MAGI2: variants seen among roughly 807,000 people sequenced by gnomAD.
MAGI2 encodes membrane-associated guanylate kinase, WW and PDZ domain-containing protein 2.
MAGI2 carries 35 observed loss-of-function variants against 133.3 expected under a neutral mutation model. The ratio of observed to expected loss-of-function variants is 0.26; its 90% confidence interval spans 0.20 to 0.35. The LOEUF (loss-of-function observed/expected upper bound fraction) is 0.35, where lower values mean the gene tolerates loss of function less well. Ranked by LOEUF, MAGI2 falls within the 10% of genes least tolerant of loss-of-function variation. The probability of loss-of-function intolerance (pLI) is 1.00; values close to 1 mark genes in which losing one functional copy is unlikely to be tolerated. For synonymous variants in MAGI2, 729 were observed against 710.6 expected, an observed-to-expected ratio of 1.03 and a Z score of -0.41; for missense variants, 1,636 against 1,863.4, an observed-to-expected ratio of 0.88 and a Z score of 2.25.
chr7:78,075,578 G>A (rs370708228), intron 21 of MAGI2, among the ~76,000 whole-genome samples: 1 of 151,734 alleles, frequency 6.6e-6, no homozygotes, highest in South Asian at 2.1e-4. Context: ...GGGTTTCACC[G>A]TGTTAGCCAG....
chr7:79,105,700 T>C (rs1818393163), intron 1 of MAGI2, among the ~76,000 whole-genome samples: 1 of 152,200 alleles, frequency 6.6e-6, no homozygotes, highest in South Asian at 2.1e-4. Context: ...AATTCATATA[T>C]AATGCAACAA....
chr7:78,171,237 A>G (rs1035087984), intron 14 of MAGI2, among the ~76,000 whole-genome samples: 13 of 152,206 alleles, frequency 8.5e-5, no homozygotes, highest in Non-Finnish European at 1.6e-4. Context: ...TAGGGACTGG[A>G]TAATCTATGA....
At chr7:78,365,388 C>A (rs532515682) in intron 7 of MAGI2, among the ~76,000 whole-genome samples, 1 of 151,998 alleles carries the variant, frequency 6.6e-6, no homozygotes, top group Non-Finnish European at 1.5e-5. Context: ...GTTATAAATG[C>A]GAAATTTATA....
At chr7:78,577,096 A>G (rs979220622) in intron 3 of MAGI2, among the ~76,000 whole-genome samples, 2 of 152,228 alleles carry the variant, frequency 1.3e-5, no homozygotes, top group Admixed American at 6.5e-5. Flanking sequence ...TGCTTTCTAC[A>G]TAATAGATTC....
At chr7:79,276,223 T>C (rs1409706934) in intron 1 of MAGI2, among the ~76,000 whole-genome samples, 1 of 152,170 alleles carries the variant, frequency 6.6e-6, no homozygotes, top group East Asian at 1.9e-4. Flanking sequence ...GAGGTCAAAA[T>C]ATCAGCATTA....
chr7:78,094,485 A>C (rs1036751405), intron 20 of MAGI2, among the ~76,000 whole-genome samples: 1 of 152,166 alleles, frequency 6.6e-6, no homozygotes, highest in Admixed American at 6.5e-5. Context: ...GTGATGCTGC[A>C]TAGTCATTTT....
intron 2 of MAGI2, among the ~76,000 whole-genome samples, chr7:78,913,736 C>A (rs1250165713): frequency 6.6e-6 from 1 of 152,134 alleles, no homozygotes; most frequent in Non-Finnish European, 1.5e-5. Flanking sequence ...ACTTAATTAG[C>A]AGTAATGATT....
intron 2 of MAGI2, among the ~76,000 whole-genome samples, chr7:78,671,857 A>G (rs1201161451): frequency 6.6e-6 from 1 of 152,194 alleles, no homozygotes; most frequent in East Asian, 1.9e-4. Context: ...GAAATATAAA[A>G]ATGAAGATAT....
intron 1 of MAGI2, among the ~76,000 whole-genome samples, chr7:79,385,835 TA>T (rs1844137754): frequency 6.6e-6 from 1 of 151,978 alleles, no homozygotes; most frequent in African/African-American, 2.4e-5. Context: ...AAGTAGATTG[TA>T]GCTGCTCTTG....
intron 2 of MAGI2, among the ~76,000 whole-genome samples, chr7:78,910,780 T>A (rs1417600131): frequency 6.6e-6 from 1 of 152,224 alleles, no homozygotes; most frequent in Non-Finnish European, 1.5e-5. Flanking sequence ...TGATAAAATG[T>A]CTCTAGTTCC....
intron 10 of MAGI2, 30 bp from the exon 11 acceptor site, chr7:78,201,223 T>C: frequency 2.4e-6 from 3 of 1,264,182 alleles, no homozygotes; most frequent in East Asian, 2.8e-5. Context: ...ATTTGAACTT[T>C]GAAAATATTA....
chr7:78,505,980 G>A (rs1795050643), intron 4 of MAGI2, among the ~76,000 whole-genome samples: 1 of 151,744 alleles, frequency 6.6e-6, no homozygotes, highest in South Asian at 2.1e-4. Context: ...GCTCTATCAG[G>A]CATGCTCAGG....
At chr7:79,136,346 A>G (rs563328975) in intron 1 of MAGI2, among the ~76,000 whole-genome samples, 1 of 152,330 alleles carries the variant, frequency 6.6e-6, no homozygotes, top group East Asian at 1.9e-4. Context: ...CTGGGAGCTT[A>G]TTTCCAATAG....
At chr7:79,099,264 A>G (rs956930153) in intron 1 of MAGI2, among the ~76,000 whole-genome samples, 8 of 152,194 alleles carry the variant, frequency 5.3e-5, no homozygotes, top group Non-Finnish European at 7.3e-5. Flanking sequence ...ATTATCCAAA[A>G]GAATACAAAT....
intron 7 of MAGI2, among the ~76,000 whole-genome samples, chr7:78,351,216 C>T (rs1275132900): frequency 1.3e-5 from 2 of 151,948 alleles, no homozygotes; most frequent in Non-Finnish European, 2.9e-5. Flanking sequence ...CTGTAAAATA[C>T]GCATTGTGGG....
intron 6 of MAGI2, among the ~76,000 whole-genome samples, chr7:78,481,382 T>C (rs1476344610): frequency 1.3e-5 from 2 of 151,920 alleles, no homozygotes; most frequent in Non-Finnish European, 2.9e-5. Flanking sequence ...TTAACTATCA[T>C]GAGAACAGCA....
At chr7:78,532,108 G>T (rs73376281) in intron 3 of MAGI2, among the ~76,000 whole-genome samples, 1 of 152,176 alleles carries the variant, frequency 6.6e-6, no homozygotes, top group South Asian at 2.1e-4. Flanking sequence ...ACTGTGAACC[G>T]GGCAGCAACC....
At position 79,302,159 on chromosome 7, in the gene MAGI2, A is replaced by G. The variant is rs139615139; in HGVS notation, c.301+150861T>C. 8.5e-3 allele frequency among the ~76,000 whole-genome samples: 1,302 copies of G among 152,332 alleles called. 18 individuals carry two copies. The highest frequency in any genetic ancestry group is 9.1e-3 in the Non-Finnish European group (619 of 68,036). On this transcript the variant is annotated intron_variant, in intron 1 of 21. Transcript: ENST00000354212. Reference sequence around the variant, plus strand: ...CTAATACAGTCAGTAAAATATAGTAACCATAAGAACCAGCAATAACTGAGA... The same window carrying G: ...CTAATACAGTCAGTAAAATATAGTAGCCATAAGAACCAGCAATAACTGAGA...
intron 1 of MAGI2, among the ~76,000 whole-genome samples, chr7:79,246,721 G>C (rs1162419417): frequency 2.0e-5 from 3 of 152,146 alleles, no homozygotes; most frequent in Non-Finnish European, 4.4e-5. Flanking sequence ...GGAGAGTTAG[G>C]GGTAGAGAGT....
Sources: allele counts gnomAD v4.1 joint callset (sites outside exome capture counted in the v4.1 genomes callset), GRCh38; gene constraint gnomAD v4.1.1; transcripts MANE v1.5; gene names NCBI Gene and HGNC (gene_info 2026-07-23, HGNC 2026-07-21).